Variants in LMBR1 observed in about 807,000 individuals in gnomAD.
LMBR1 encodes limb development membrane protein 1, also known as limb region 1 protein homolog.
A neutral mutation model predicts 73.9 loss-of-function variants in LMBR1; 52 were observed. The observed-to-expected ratio is 0.70, with a 90% CI of 0.56 to 0.89. LMBR1 has a LOEUF of 0.89. Ranked by LOEUF, LMBR1 falls within the 40% of genes least tolerant of loss-of-function variation. LMBR1 has a pLI of 0.00. For synonymous variants in LMBR1, 215 were observed against 209.4 expected, an observed-to-expected ratio of 1.03 and a Z score of -0.23; for missense variants, 539 against 579.8, an observed-to-expected ratio of 0.93 and a Z score of 0.72.
chr7:156,820,320 T>C (rs1017694310), intron 4 of LMBR1, among the ~76,000 whole-genome samples: 2 of 152,194 alleles, frequency 1.3e-5, no homozygotes, highest in Admixed American at 1.3e-4. Context: ...AGGCCAGCAA[T>C]ACGCCTTCAC....
Position 156,765,993 on chromosome 7 carries a change from T to G in LMBR1, c.424-2198A>C, listed in dbSNP as rs114904194. ...TAATTATAACACTGTAACAATAATT[T>G]TTAGGATGATAATCAGTGTTGGGAA... On this transcript the variant is annotated intron_variant, in intron 5 of 16. Transcript: ENST00000353442. 2.4e-3 allele frequency among the ~76,000 whole-genome samples: 370 copies of G among 152,300 alleles called. 1 individual carries two copies. Among genetic ancestry groups the G allele is most frequent in the African/African-American group, 8.5e-3 (355 of 41,568 alleles).
intron 8 of LMBR1, among the ~76,000 whole-genome samples, chr7:156,760,574 C>CAAACA (rs923311034): frequency 1.3e-5 from 2 of 151,982 alleles, no homozygotes; most frequent in African/African-American, 4.8e-5. Flanking sequence ...AACAAACAAA[C>CAAACA]AACAACAAAT....
At chr7:156,671,536 G>A (rs1470927484) in intron 4 of LMBR1, among the ~76,000 whole-genome samples, 1 of 152,078 alleles carries the variant, frequency 6.6e-6, no homozygotes, top group African/African-American at 2.4e-5. Flanking sequence ...CTGACCATAC[G>A]CTTGTCCATG....
intron 6 of LMBR1, among the ~76,000 whole-genome samples, chr7:156,763,434 T>C (rs1237156783): frequency 2.6e-4 from 10 of 38,306 alleles, no homozygotes; most frequent in African/African-American, 1.2e-3. Context: ...CAGAAACCAA[T>C]TAACAAAAAC....
intron 15 of LMBR1, among the ~76,000 whole-genome samples, chr7:156,699,335 G>A (rs1044290312): frequency 1.3e-5 from 2 of 151,972 alleles, no homozygotes; most frequent in Non-Finnish European, 2.9e-5. Context: ...ATGGTGCTGG[G>A]AAAACTGGCT....
chr7:156,826,764 C>T lies in LMBR1; in HGVS notation c.180-20G>A. On this transcript the variant is annotated intron_variant, in intron 3 of 16. Transcript: ENST00000353442. ...AACAACCTGGAAGAAAGGAGAGTCACCATCACAAGTGATCTGAAAAAGCAA... is the reference window on the plus strand; with the variant it reads ...AACAACCTGGAAGAAAGGAGAGTCATCATCACAAGTGATCTGAAAAAGCAA... 2 of 1,592,122 alleles carry T rather than the reference C, an allele frequency of 1.3e-6. No homozygotes were observed. Among genetic ancestry groups the T allele is most frequent in the Non-Finnish European group, 1.7e-6 (2 of 1,168,682 alleles).
chr7:156,817,172 G>A (rs1202006040), intron 4 of LMBR1, among the ~76,000 whole-genome samples: 1 of 152,030 alleles, frequency 6.6e-6, no homozygotes, highest in African/African-American at 2.4e-5. Flanking sequence ...ATCTGCTGGA[G>A]TTACAAAATA....
intron 9 of LMBR1, among the ~76,000 whole-genome samples, chr7:156,755,317 A>AG (rs34311226): frequency 6.6e-6 from 1 of 152,226 alleles, no homozygotes; most frequent in Non-Finnish European, 1.5e-5. Flanking sequence ...CTACTGTGGA[A>AG]GGGGAAAGTG....
At chr7:156,792,562 G>A (rs1453949637) in intron 5 of LMBR1, among the ~76,000 whole-genome samples, 1 of 152,164 alleles carries the variant, frequency 6.6e-6, no homozygotes, top group African/African-American at 2.4e-5. Flanking sequence ...GCAAGGAGAT[G>A]GTCCTAATAA....
intron 1 of LMBR1, among the ~76,000 whole-genome samples, chr7:156,841,781 T>C (rs1329446768): frequency 6.6e-6 from 1 of 151,962 alleles, no homozygotes; most frequent in African/African-American, 2.4e-5. Context: ...AGAAGAATAG[T>C]TGGAAACAGA....
chr7:156,839,047 C>CTTTTTTT (rs1164786244), intron 1 of LMBR1, among the ~76,000 whole-genome samples: 2 of 98,516 alleles, frequency 2.0e-5, no homozygotes, highest in Non-Finnish European at 4.0e-5. Context: ...TAGTCCTTTG[C>CTTTTTTT]TTTTTTTTTT....
chr7:156,878,506 G>A (rs1800565407), intron 1 of LMBR1, among the ~76,000 whole-genome samples: 4 of 152,078 alleles, frequency 2.6e-5, no homozygotes, highest in Admixed American at 2.6e-4. Context: ...AACCAAGAAG[G>A]TAAAAGGCCT....
At chr7:156,842,728 G>A (rs1200354232) in intron 1 of LMBR1, among the ~76,000 whole-genome samples, 1 of 152,116 alleles carries the variant, frequency 6.6e-6, no homozygotes, top group Non-Finnish European at 1.5e-5. Flanking sequence ...TAAGAGTCAA[G>A]GTAAGATTAA....
At chr7:156,720,975 A>C (rs1477521454) in intron 15 of LMBR1, among the ~76,000 whole-genome samples, 1 of 152,050 alleles carries the variant, frequency 6.6e-6, no homozygotes, top group Non-Finnish European at 1.5e-5. Flanking sequence ...GACCCGTTAT[A>C]AAACAAGGTC....
intron 15 of LMBR1, among the ~76,000 whole-genome samples, chr7:156,693,976 G>T (rs891619866): frequency 6.6e-6 from 1 of 152,174 alleles, no homozygotes; most frequent in Admixed American, 6.5e-5. Context: ...TTATTGCTGG[G>T]ATGCAAGTAT....
At chr7:156,737,162 A>G (rs912970034) in intron 9 of LMBR1, among the ~76,000 whole-genome samples, 2 of 152,226 alleles carry the variant, frequency 1.3e-5, no homozygotes, top group Non-Finnish European at 2.9e-5. Flanking sequence ...GTAAATTTTT[A>G]AAGACTATAC....
chr7:156,852,299 C>A (rs914747508), intron 1 of LMBR1, among the ~76,000 whole-genome samples: 3 of 152,000 alleles, frequency 2.0e-5, no homozygotes, highest in African/African-American at 7.2e-5. Flanking sequence ...AGTCAATATA[C>A]GTGTTCAATG....
Position 156,762,215 on chromosome 7 carries a change from A to G in LMBR1, c.620-17T>C. 1 of 1,578,010 alleles carries G rather than the reference A, an allele frequency of 6.3e-7. No individual in the cohort carries two copies. Among genetic ancestry groups the G allele is most frequent in the East Asian group, 2.2e-5 (1 of 44,636 alleles). On this transcript the variant is annotated splice_polypyrimidine_tract_variant and intron_variant, in intron 7 of 16. Coordinates refer to ENST00000353442, the MANE Select transcript of LMBR1 (RefSeq NM_022458.4). Reference sequence around the variant, plus strand: ...GTGTACACACTGCAGAAATAAGATCACCAAAAGACAGAAAGCGACATTATA... The same window carrying G: ...GTGTACACACTGCAGAAATAAGATCGCCAAAAGACAGAAAGCGACATTATA...
chr7:156,746,543 A>G (rs143140603), intron 9 of LMBR1, among the ~76,000 whole-genome samples: 38 of 152,198 alleles, frequency 2.5e-4, no homozygotes, highest in Admixed American at 2.4e-3. Flanking sequence ...TGCAGGTGAT[A>G]TAACACTAGG....
Sources: allele counts gnomAD v4.1 joint callset (sites outside exome capture counted in the v4.1 genomes callset), GRCh38; gene constraint gnomAD v4.1.1; transcripts MANE v1.5; gene names NCBI Gene and HGNC (gene_info 2026-07-23, HGNC 2026-07-21).